Variants in ADAM23 observed in about 807,000 individuals in gnomAD.
ADAM23 encodes the protein ADAM metallopeptidase domain 23, also known as disintegrin and metalloproteinase domain-containing protein 23.
A neutral mutation model predicts 120.1 loss-of-function variants in ADAM23; 33 were observed. That is an observed-to-expected ratio of 0.27 (90% CI 0.21 to 0.37). The LOEUF (loss-of-function observed/expected upper bound fraction) is 0.37, where lower values mean the gene tolerates loss of function less well. Among genes scored for constraint, ADAM23 ranks in the 10% least tolerant of loss-of-function variants. The probability of loss-of-function intolerance (pLI) is 1.00; values close to 1 mark genes in which losing one functional copy is unlikely to be tolerated. For synonymous variants in ADAM23, 367 were observed against 375.2 expected, an observed-to-expected ratio of 0.98 and a Z score of 0.25; for missense variants, 862 against 1,058.2, an observed-to-expected ratio of 0.81 and a Z score of 2.57.
chr2:206,617,376 G>A (rs1264043856), intron 25 of ADAM23, among the ~76,000 whole-genome samples: 1 of 152,066 alleles, frequency 6.6e-6, no homozygotes, highest in Non-Finnish European at 1.5e-5. Context: ...TACTCTAGGG[G>A]GTATGTTGTG....
At chr2:206,512,152 T>G (rs988637488) in intron 3 of ADAM23, among the ~76,000 whole-genome samples, 3 of 152,206 alleles carry the variant, frequency 2.0e-5, no homozygotes, top group Non-Finnish European at 2.9e-5. Context: ...ATAAAAGAGA[T>G]AAAGAGAACT....
chr2:206,603,517 G>A (rs1215063406), intron 24 of ADAM23, among the ~76,000 whole-genome samples: 1 of 152,192 alleles, frequency 6.6e-6, no homozygotes, highest in Middle Eastern at 3.2e-3. Context: ...GAGAGAACAG[G>A]GAGGGTAGGG....
intron 14 of ADAM23, among the ~76,000 whole-genome samples, chr2:206,566,861 A>G (rs1320735906): frequency 6.6e-6 from 1 of 152,192 alleles, no homozygotes; most frequent in Non-Finnish European, 1.5e-5. Context: ...GCAAAAAAAA[A>G]AAATGCTTGA....
intron 21 of ADAM23, among the ~76,000 whole-genome samples, chr2:206,592,124 A>G (rs1285454178): frequency 6.6e-6 from 1 of 152,146 alleles, no homozygotes; most frequent in Non-Finnish European, 1.5e-5. Flanking sequence ...TTTTGTCCTT[A>G]TGCTTTGTGA....
intron 18 of ADAM23, among the ~76,000 whole-genome samples, chr2:206,580,642 C>T (rs1698203448): frequency 6.6e-6 from 1 of 152,150 alleles, no homozygotes; most frequent in South Asian, 2.1e-4. Context: ...AGGATTTTAG[C>T]ATCTGTGTTC....
At chr2:206,557,316 AT>A (rs1697665822) in intron 9 of ADAM23, 110 bp from the exon 10 acceptor site, 1 of 911,646 alleles carries the variant, frequency 1.1e-6, no homozygotes, top group Non-Finnish European at 1.7e-6. Context: ...TAAATTATAT[AT>A]TTTTAAATCC....
At chr2:206,544,861 G>T (rs570086095) in intron 6 of ADAM23, among the ~76,000 whole-genome samples, 1 of 152,074 alleles carries the variant, frequency 6.6e-6, no homozygotes, top group Admixed American at 6.6e-5. Flanking sequence ...ACAGTTCCGG[G>T]AAGTCCACCA....
At chr2:206,525,745 C>T (rs1305951472) in intron 3 of ADAM23, among the ~76,000 whole-genome samples, 2 of 152,062 alleles carry the variant, frequency 1.3e-5, no homozygotes, top group African/African-American at 2.4e-5. Flanking sequence ...ACGCTCACCA[C>T]CACACCTGGC....
intron 4 of ADAM23, among the ~76,000 whole-genome samples, chr2:206,531,429 T>C (rs1327218602): frequency 1.3e-5 from 2 of 152,200 alleles, no homozygotes; most frequent in Admixed American, 6.5e-5. Context: ...TGCTGTACTA[T>C]GGAAGAAATT....
At chr2:206,446,078 T>C (rs1695076931) in intron 2 of ADAM23, among the ~76,000 whole-genome samples, 1 of 152,192 alleles carries the variant, frequency 6.6e-6, no homozygotes, top group South Asian at 2.1e-4. Context: ...TTTAAAAAGA[T>C]TATGGTGACT....
At chr2:206,445,602 G>A (rs1348994208) in intron 2 of ADAM23, 78 bp downstream of exon 2, 2 of 1,298,542 alleles carry the variant, frequency 1.5e-6, no homozygotes, top group Non-Finnish European at 1.1e-6. Flanking sequence ...CAGAATCTGA[G>A]TTCACAAATT....
intron 3 of ADAM23, among the ~76,000 whole-genome samples, chr2:206,491,685 A>T (rs1696137941): frequency 6.6e-6 from 1 of 152,244 alleles, no homozygotes; most frequent in Admixed American, 6.5e-5. Context: ...AGATAAGTTT[A>T]TTACAGTAGT....
chr2:206,486,331 T>C (rs1175740845), intron 3 of ADAM23, among the ~76,000 whole-genome samples: 1 of 151,968 alleles, frequency 6.6e-6, no homozygotes, highest in East Asian at 1.9e-4. Flanking sequence ...GTAACGTTTC[T>C]TGTCTTTCCT....
intron 4 of ADAM23, among the ~76,000 whole-genome samples, chr2:206,536,124 T>C (rs71429724): frequency 0.081 from 12,343 of 152,256 alleles, 535 homozygotes; most frequent in Middle Eastern, 0.11. Flanking sequence ...TAAACAAATA[T>C]GGTTTTACTG....
intron 2 of ADAM23, among the ~76,000 whole-genome samples, chr2:206,457,852 A>G (rs1402562705): frequency 6.6e-6 from 1 of 152,214 alleles, no homozygotes; most frequent in Non-Finnish European, 1.5e-5. Context: ...TAGGTCTTCA[A>G]AATAAACTGA....
chr2:206,516,840 G>T (rs1383170790), intron 3 of ADAM23, among the ~76,000 whole-genome samples: 20 of 151,968 alleles, frequency 1.3e-4, no homozygotes, highest in Admixed American at 1.3e-3. Context: ...CAGTGAGCTG[G>T]CACCCAACCT....
chr2:206,455,693 T>C (rs1301669820), intron 2 of ADAM23, among the ~76,000 whole-genome samples: 1 of 152,226 alleles, frequency 6.6e-6, no homozygotes, highest in East Asian at 1.9e-4. Context: ...CTTTGAAATT[T>C]CTTCCACAAG....
chr2:206,588,261 A>C, intron 20 of ADAM23, 107 bp downstream of exon 20: 6 of 1,169,676 alleles, frequency 5.1e-6, no homozygotes, highest in Non-Finnish European at 7.3e-6. Context: ...GTGATGTTTT[A>C]AAAAAATCTA....
At chr2:206,504,112 A>G (rs952847766) in intron 3 of ADAM23, among the ~76,000 whole-genome samples, 35 of 152,142 alleles carry the variant, frequency 2.3e-4, no homozygotes, top group African/African-American at 7.0e-4. Context: ...TGATATATTC[A>G]TGACCTATTT....
Sources: gnomAD v4.1 joint callset for allele counts (sites outside exome capture counted in the v4.1 genomes callset) on GRCh38, gnomAD v4.1.1 for gene constraint, MANE v1.5 for transcripts, NCBI Gene and HGNC (gene_info 2026-07-23, HGNC 2026-07-21) for gene names.